Variants in COLQ observed in about 807,000 individuals in gnomAD.
The protein encoded by COLQ is acetylcholinesterase collagenic tail peptide.
A neutral mutation model predicts 69.0 loss-of-function variants in COLQ; 48 were observed. The observed-to-expected ratio is 0.70, with a 90% CI of 0.55 to 0.88. The LOEUF is 0.88. Ranked by LOEUF, COLQ falls within the 40% of genes least tolerant of loss-of-function variation. The pLI is 0.00. For synonymous variants in COLQ, 217 were observed against 211.2 expected, an observed-to-expected ratio of 1.03 and a Z score of -0.24; for missense variants, 618 against 594.6, an observed-to-expected ratio of 1.04 and a Z score of -0.41.
chr3:15,499,530 T>G (rs9821793), intron 1 of COLQ, among the ~76,000 whole-genome samples: 62,570 of 152,036 alleles, frequency 0.41, 13,885 homozygotes, highest in East Asian at 0.62. Context: ...AGGAATGAGA[T>G]TGGTCATGTT....
chr3:15,473,953 C>T lies in COLQ; in HGVS notation c.636+47G>A. On this transcript the variant is annotated intron_variant, in intron 10 of 16. Transcript: ENST00000383788. The surrounding 1 kb of genome is among the most constrained non-coding windows in gnomAD (Gnocchi z 4.0). ...GTTCTTTTTGTTGTGCTTGGAGGAC[C>T]TGATATTTTTATTGAGGCCTATTTT... 1 of 1,599,952 alleles carries T rather than the reference C, an allele frequency of 6.3e-7. No individual in the cohort carries two copies. Among genetic ancestry groups the T allele is most frequent in the Non-Finnish European group, 8.6e-7 (1 of 1,167,474 alleles).
intron 5 of COLQ, 184 bp from the exon 6 acceptor site, chr3:15,477,381 A>T: frequency 1.6e-6 from 1 of 611,890 alleles, no homozygotes. Flanking sequence ...GTATCATCAA[A>T]TAAGACCTTA....
chr3:15,515,485 T>C (rs2063047744), intron 1 of COLQ, among the ~76,000 whole-genome samples: 1 of 152,124 alleles, frequency 6.6e-6, no homozygotes, highest in Non-Finnish European at 1.5e-5. Flanking sequence ...ATAGGAGAAA[T>C]ACAAGTGGTA....
chr3:15,498,884 C>A (rs896511933), intron 1 of COLQ: 1 of 1,346,564 alleles, frequency 7.4e-7, no homozygotes, highest in African/African-American at 1.5e-5. Flanking sequence ...AGGTTGGGAG[C>A]CCAGGGATAC....
At chr3:15,472,742 T>C (rs957782261) in intron 10 of COLQ, among the ~76,000 whole-genome samples, 4 of 152,232 alleles carry the variant, frequency 2.6e-5, no homozygotes, top group African/African-American at 7.2e-5. Flanking sequence ...TCAAAACATA[T>C]GTTGGTCAAC....
At chr3:15,475,847 C>T (rs556766710) in intron 6 of COLQ, among the ~76,000 whole-genome samples, 12 of 152,204 alleles carry the variant, frequency 7.9e-5, no homozygotes, top group East Asian at 5.8e-4. Context: ...TGTCAATACA[C>T]GCAAAAAACA....
intron 5 of COLQ, among the ~76,000 whole-genome samples, chr3:15,478,419 G>A (rs563518657): frequency 2.6e-5 from 4 of 152,252 alleles, no homozygotes; most frequent in South Asian, 4.1e-4. Flanking sequence ...GAAATTCAGT[G>A]CCAGTATCCA....
Position 15,521,596 on chromosome 3 carries a change from T to A in COLQ, c.30A>T (p.Gly10=). The change falls in exon 1 of 17, where the codon GGA becomes GGT. Residue 10 remains glycine, a synonymous_variant. Transcript: ENST00000383788. The stretch of plus-strand genomic sequence containing the variant: ...AGAGGAAGAAAAGCTGAAGATAAAT[T>A]CCCAAAGTCATTGGATTCAGGACAA... MVVLNPMTL[G]IYLQLFFLSI... is the part of the protein sequence containing the mutation. The A allele has an allele frequency of 1.2e-6, 2 of 1,614,142 alleles. No individual in the cohort carries two copies. Among genetic ancestry groups the A allele is most frequent in the Non-Finnish European group, 1.7e-6 (2 of 1,180,028 alleles).
rs776165035 is a variant in COLQ, at chr3:15,479,375, G to A, written c.329C>T (p.Pro110Leu). 37 of 1,614,020 alleles carry A rather than the reference G, an allele frequency of 2.3e-5. No homozygotes were observed. The East Asian group carries it at 2.7e-4, about 12-fold the overall frequency. The stretch of plus-strand genomic sequence containing the variant: ...TGGTCCTGTCTTGCCAGGAAGCCCC[G>A]GTGGACCCTAATCAATCAAGATAAA... The part of the protein sequence containing the change: ...SPGPPGPQGP[P>L]GLPGKTGPKG... Residue 110 changes from proline (P) to leucine (L), a missense_variant, in exon 4 of 17, where the codon CCG becomes CTG. Pro to Leu is a moderately conservative substitution (Grantham distance 98). Coordinates refer to ENST00000383788, the MANE Select transcript of COLQ (RefSeq NM_005677.4).
chr3:15,479,508 G>A (rs1046764483), intron 3 of COLQ, 126 bp from the exon 4 acceptor site: 3 of 918,286 alleles, frequency 3.3e-6, no homozygotes, highest in East Asian at 2.5e-5. Flanking sequence ...AGGGCTCCAG[G>A]GACCCATGGA....
Position 15,488,196 on chromosome 3 carries a change from G to A in COLQ, c.321+10C>T, listed in dbSNP as rs1234147273. ...AAGACAGCGAGAGGGGTCCGGTAGA[G>A]TGCACCAACCTGGGGGCCGGGAGGC... On this transcript the variant is annotated intron_variant, in intron 3 of 16. Transcript: ENST00000383788. The A allele has an allele frequency of 6.2e-7, 1 of 1,606,112 alleles. No homozygotes were observed. The highest frequency in any genetic ancestry group is 1.1e-5 in the South Asian group (1 of 90,966).
At chr3:15,518,472 T>C (rs949077156) in intron 1 of COLQ, among the ~76,000 whole-genome samples, 1 of 152,198 alleles carries the variant, frequency 6.6e-6, no homozygotes, top group African/African-American at 2.4e-5. Flanking sequence ...GAAATAGTTT[T>C]GTGTGTATCA....
chr3:15,520,514 C>T (rs2063121970), intron 1 of COLQ, among the ~76,000 whole-genome samples: 1 of 152,186 alleles, frequency 6.6e-6, no homozygotes, highest in Non-Finnish European at 1.5e-5. Flanking sequence ...CCAGCAAAGG[C>T]AGCGATAGTG....
intron 1 of COLQ, among the ~76,000 whole-genome samples, chr3:15,494,031 C>T (rs1435041103): frequency 2.6e-5 from 4 of 152,200 alleles, no homozygotes; most frequent in Middle Eastern, 3.4e-3. Flanking sequence ...TTCAGTGAGC[C>T]GAGATTGTGC....
intron 1 of COLQ, among the ~76,000 whole-genome samples, chr3:15,507,079 C>G (rs983268): frequency 0.41 from 62,400 of 151,822 alleles, 13,802 homozygotes; most frequent in East Asian, 0.63. Flanking sequence ...AGGATTACAG[C>G]TGTGAGCCAC....
intron 1 of COLQ, among the ~76,000 whole-genome samples, chr3:15,512,263 A>G (rs1226666274): frequency 6.6e-6 from 1 of 151,894 alleles, no homozygotes; most frequent in African/African-American, 2.4e-5. Flanking sequence ...CTCTTTTTTC[A>G]TTTGCAGCCC....
chr3:15,498,810 C>T (rs1324581973), intron 1 of COLQ: 11 of 1,472,250 alleles, frequency 7.5e-6, no homozygotes. Flanking sequence ...CTCCAGCTGC[C>T]CATGAACACT....
intron 3 of COLQ, among the ~76,000 whole-genome samples, chr3:15,485,280 C>T (rs1393425070): frequency 6.6e-6 from 1 of 152,120 alleles, no homozygotes; most frequent in Admixed American, 6.6e-5. Flanking sequence ...AGAGGGGCAC[C>T]CAGCTGTATG....
At chr3:15,454,375 A>G (rs369560595) in intron 15 of COLQ, among the ~76,000 whole-genome samples, 53 of 152,172 alleles carry the variant, frequency 3.5e-4, no homozygotes, top group Admixed American at 3.9e-4. Flanking sequence ...GGGGAGCCAC[A>G]TGATCTTCAG....
Sources: allele counts gnomAD v4.1 joint callset (sites outside exome capture counted in the v4.1 genomes callset), GRCh38; gene constraint gnomAD v4.1.1; non-coding constraint Gnocchi (gnomAD v3.1); transcripts MANE v1.5; gene names NCBI Gene and HGNC (gene_info 2026-07-23, HGNC 2026-07-21).